GARIN1A: variants seen among roughly 807,000 people sequenced by gnomAD.
GARIN1A encodes Golgi-associated RAB2 interactor protein 1A.
At chr7:128,689,892 C>T in the GARIN1A span, among the ~76,000 whole-genome samples, 1 of 152,126 alleles carries the variant, frequency 6.6e-6, no homozygotes, top group African/African-American at 2.4e-5. Flanking sequence ...CCGGCCACCA[C>T]CCCGTCTGGG....
At chr7:128,675,788 T>C in the GARIN1A span, 4 of 1,613,716 alleles carry the variant, frequency 2.5e-6, no homozygotes, top group African/African-American at 4.0e-5. Context: ...TGATGGCCAA[T>C]GTTACCTGGC....
chr7:128,672,412 G>A, the GARIN1A span: 3 of 1,608,292 alleles, frequency 1.9e-6, no homozygotes, highest in Non-Finnish European at 2.5e-6. Context: ...GTAAAATCAG[G>A]GGCCTCCCAC....
At chr7:128,673,182 C>T in the GARIN1A span, among the ~76,000 whole-genome samples, 2 of 152,176 alleles carry the variant, frequency 1.3e-5, no homozygotes, top group Non-Finnish European at 2.9e-5. Context: ...AGCCAGTAAG[C>T]ACACACTAAA....
chr7:128,684,163 A>C, the GARIN1A span: 2 of 152,278 alleles, frequency 1.3e-5, no homozygotes, highest in Non-Finnish European at 2.9e-5. Context: ...AAGCCAGTCC[A>C]AGGCTGGCTT....
At chr7:128,682,922 C>G in the GARIN1A span, 1 of 1,430,744 alleles carries the variant, frequency 7.0e-7, no homozygotes, top group South Asian at 1.4e-5. Flanking sequence ...TCTTTTTCTT[C>G]TATTGCTTTC....
the GARIN1A span, chr7:128,684,296 G>A: frequency 6.6e-6 from 1 of 152,254 alleles, no homozygotes; most frequent in Non-Finnish European, 1.5e-5. Context: ...AGATTCCTTT[G>A]TGTTGCTCCA....
the GARIN1A span, among the ~76,000 whole-genome samples, chr7:128,688,878 C>T: frequency 7.0e-6 from 1 of 143,466 alleles, no homozygotes; most frequent in Non-Finnish European, 1.5e-5. Flanking sequence ...CTGCCGCCAT[C>T]TCTGCTCACT....
chr7:128,674,032 C>T, the GARIN1A span, among the ~76,000 whole-genome samples: 41,024 of 151,834 alleles, frequency 0.27, 5,897 homozygotes, highest in East Asian at 0.54. Flanking sequence ...TAGCTAGGAC[C>T]ACAGGCGTGC....
chr7:128,699,265 C>CT, the GARIN1A span, among the ~76,000 whole-genome samples: 9 of 139,942 alleles, frequency 6.4e-5, 3 homozygotes, highest in East Asian at 1.7e-3. Context: ...CTGCTGCCCC[C>CT]CCCCCCCCAC....
chr7:128,674,786 C>G, the GARIN1A span, among the ~76,000 whole-genome samples: 2 of 151,978 alleles, frequency 1.3e-5, no homozygotes, highest in Non-Finnish European at 2.9e-5. Flanking sequence ...GCAATGGTGT[C>G]GATAGTTTTA....
chr7:128,677,504 CAAA>C, the GARIN1A span: 18 of 1,271,320 alleles, frequency 1.4e-5, no homozygotes, highest in East Asian at 9.0e-5. Flanking sequence ...GACTCCGTCT[CAAA>C]AAAAAAAAAA....
the GARIN1A span, among the ~76,000 whole-genome samples, chr7:128,695,886 T>C: frequency 2.0e-5 from 3 of 152,154 alleles, no homozygotes; most frequent in Non-Finnish European, 1.5e-5. The surrounding 1 kb of genome is among the most constrained non-coding windows in gnomAD (Gnocchi z 4.5). Context: ...GTAGAATAAA[T>C]TCCATACCTA....
the GARIN1A span, among the ~76,000 whole-genome samples, chr7:128,706,579 TC>T: frequency 6.6e-6 from 1 of 152,118 alleles, no homozygotes; most frequent in African/African-American, 2.4e-5. Flanking sequence ...TTTCTAGCCT[TC>T]CCAAGCTTGC....
At chr7:128,697,719 G>A in the GARIN1A span, 4 of 163,622 alleles carry the variant, frequency 2.4e-5, no homozygotes, top group South Asian at 7.8e-4. Context: ...GAACGCGCCC[G>A]ATCTCGTCTG....
At chr7:128,673,028 G>A in the GARIN1A span, among the ~76,000 whole-genome samples, 1 of 152,208 alleles carries the variant, frequency 6.6e-6, no homozygotes, top group African/African-American at 2.4e-5. Flanking sequence ...CATGACCAAT[G>A]GAAGTGAGCC....
the GARIN1A span, among the ~76,000 whole-genome samples, chr7:128,701,991 C>G: frequency 1.3e-5 from 2 of 152,128 alleles, no homozygotes; most frequent in African/African-American, 4.8e-5. Flanking sequence ...ATGGTCTGAC[C>G]TTCTTTAAAG....
the GARIN1A span, chr7:128,672,578 G>T: frequency 7.3e-7 from 1 of 1,363,672 alleles, no homozygotes; most frequent in African/African-American, 1.6e-5. Flanking sequence ...AGGGCCAGCT[G>T]TCTTTCTGTT....
chr7:128,696,301 G>C, the GARIN1A span, among the ~76,000 whole-genome samples: 1 of 152,070 alleles, frequency 6.6e-6, no homozygotes, highest in Admixed American at 6.6e-5. Flanking sequence ...TTACAAGCGT[G>C]AGCCCCTGTG....
chr7:128,671,935 C>A, the GARIN1A span, among the ~76,000 whole-genome samples: 1 of 151,854 alleles, frequency 6.6e-6, no homozygotes, highest in East Asian at 1.9e-4. Context: ...GGCAGGTGAA[C>A]AAGTCCCATG....
Sources: allele counts gnomAD v4.1 joint callset (sites outside exome capture counted in the v4.1 genomes callset), GRCh38; gene constraint gnomAD v4.1.1; non-coding constraint Gnocchi (gnomAD v3.1); transcripts MANE v1.5; gene names NCBI Gene and HGNC (gene_info 2026-07-23, HGNC 2026-07-21).